WDR49: variants seen among roughly 807,000 people sequenced by gnomAD.
WDR49 encodes cilia- and flagella-associated protein 337.
Under a neutral mutation model 119.5 loss-of-function variants are expected in WDR49, and 107 were observed. The observed-to-expected ratio is 0.90, with a 90% CI of 0.77 to 1.05. The LOEUF is 1.05. WDR49 is among the 50% of genes least tolerant of loss of function. WDR49 has a pLI of 0.00. For missense variants in WDR49, 1,240 were observed against 1,220.5 expected, an observed-to-expected ratio of 1.02 and a Z score of -0.24; for synonymous variants, 425 against 418.8, an observed-to-expected ratio of 1.01 and a Z score of -0.18.
intron 18 of WDR49, among the ~76,000 whole-genome samples, chr3:167,495,520 C>T (rs1751319479): frequency 6.6e-6 from 1 of 151,366 alleles, no homozygotes; most frequent in Admixed American, 6.6e-5. Flanking sequence ...TATTTAATTC[C>T]ACTTATTAAA....
chr3:167,653,500 C>CTCATTGATTTTCTGGTGGT lies in WDR49; in HGVS notation c.-74-2_-74-1insACCACCAGAAAATCAATGA. 2 of 1,398,894 alleles carry CTCATTGATTTTCTGGTGGT rather than the reference C, an allele frequency of 1.4e-6. No individual in the cohort carries two copies. The highest frequency in any genetic ancestry group is 9.3e-7 in the Non-Finnish European group (1 of 1,078,398). The allele number at this position is 1,398,894 out of a possible 1,614,324, so 86.7% of individuals were successfully genotyped here. A position where few individuals can be genotyped will look rare whatever the true frequency, so the allele number is the denominator to read the frequency against. On this transcript the variant is annotated splice_acceptor_variant, in intron 1 of 18. Transcript: ENST00000682715. LOFTEE classifies it low-confidence loss of function (5UTR_SPLICE). ...ATCTTCTTTTTCCTTCAACAGGTGCCTTTGAAAAGAAACTCAACTTAGCAA... is the reference window on the plus strand; with the variant it reads ...ATCTTCTTTTTCCTTCAACAGGTGCCTCATTGATTTTCTGGTGGTTTTGAAAAGAAACTCAACTTAGCAA...
At chr3:167,606,701 CACA>C (rs1716080600) in intron 5 of WDR49, among the ~76,000 whole-genome samples, 1 of 152,098 alleles carries the variant, frequency 6.6e-6, no homozygotes, top group Non-Finnish European at 1.5e-5. Context: ...TGTCATGAAA[CACA>C]AAAGTGCTGC....
chr3:167,653,190 T>C, intron 2 of WDR49, 71 bp downstream of exon 2: 2 of 1,480,388 alleles, frequency 1.4e-6, no homozygotes, highest in Non-Finnish European at 1.8e-6. Flanking sequence ...TAAAGAAAAA[T>C]ATCTCTGTGT....
In WDR49 at chr3:167,550,081, G is replaced by T. The variant is rs371286809; in HGVS notation, c.1823+4569C>A. On this transcript the variant is annotated intron_variant, in intron 10 of 18. Coordinates refer to ENST00000682715, the MANE Select transcript of WDR49 (RefSeq NM_001366157.1). Reference sequence around the variant, plus strand: ...TCTGTTTTGGTACCAGTACCATGCTGCTTTGGTTACTGTAGCCTTGTAGTA... The same window carrying T: ...TCTGTTTTGGTACCAGTACCATGCTTCTTTGGTTACTGTAGCCTTGTAGTA... Among the ~76,000 whole-genome samples the T allele has an allele frequency of 3.3e-5, 5 of 152,122 alleles. No individual in the cohort carries two copies. The East Asian group carries it at 9.7e-4, about 29-fold the overall frequency.
intron 16 of WDR49, among the ~76,000 whole-genome samples, chr3:167,519,878 A>T (rs1195285353): frequency 1.3e-5 from 2 of 152,186 alleles, no homozygotes; most frequent in African/African-American, 4.8e-5. Context: ...ATTAACTGAA[A>T]ATGAAGTCAG....
intron 8 of WDR49, chr3:167,566,929 G>C (rs550441534): frequency 1.6e-6 from 1 of 644,096 alleles, no homozygotes; most frequent in Admixed American, 2.2e-5. Context: ...TGGACTTACT[G>C]TCTCGGGGTG....
chr3:167,520,651 T>A (rs1752402392), intron 16 of WDR49, among the ~76,000 whole-genome samples: 1 of 152,136 alleles, frequency 6.6e-6, no homozygotes, highest in Non-Finnish European at 1.5e-5. Flanking sequence ...AAAGGGGAAT[T>A]TTTTTCTTCT....
At chr3:167,549,284 G>T (rs1391323212) in intron 10 of WDR49, among the ~76,000 whole-genome samples, 1 of 152,088 alleles carries the variant, frequency 6.6e-6, no homozygotes, top group Non-Finnish European at 1.5e-5. Context: ...TTCCACAATG[G>T]TTGAACTAGT....
intron 17 of WDR49, among the ~76,000 whole-genome samples, chr3:167,503,987 G>A (rs1252001529): frequency 6.6e-6 from 1 of 152,182 alleles, no homozygotes; most frequent in African/African-American, 2.4e-5. Context: ...GATTGGTCAG[G>A]TGTGAGCTAA....
At position 167,653,397 on chromosome 3, in the gene WDR49, A is replaced by G. The variant is rs1718483320; in HGVS notation, c.29T>C (p.Leu10Ser). ...TGGCCCAAGCTGTGACCCTATGTTT[A>G]ACTCAAGTACAGCTTTCTGGCAACT... Reference protein sequence around the residue: MSCQKAVLELNIGSQLGPKS... With the variant: MSCQKAVLESNIGSQLGPKS... Residue 10 changes from leucine to serine, a missense_variant, in exon 2 of 19, where the codon TTA becomes TCA. By Grantham distance (145) the Leu-to-Ser change is moderately radical (BLOSUM62 -2). Transcript: ENST00000682715. 2 of 1,532,696 alleles carry G rather than the reference A, an allele frequency of 1.3e-6. No homozygotes were observed. Among genetic ancestry groups the G allele is most frequent in the South Asian group, 2.4e-5 (2 of 83,482 alleles). 94.9% of individuals were successfully genotyped at this position (1,532,696 alleles called of 1,614,324 possible).
chr3:167,648,295 T>C (rs1384608264), intron 2 of WDR49, among the ~76,000 whole-genome samples: 1 of 152,212 alleles, frequency 6.6e-6, no homozygotes, highest in Non-Finnish European at 1.5e-5. Context: ...TCATCATTTT[T>C]ACCTACACTG....
In WDR49 at chr3:167,557,946, T is replaced by C. The variant is rs376215776; in HGVS notation, c.1674+2118A>G. Among the ~76,000 whole-genome samples, 19 of 152,172 alleles carry C rather than the reference T, an allele frequency of 1.2e-4. 1 individual carries two copies. Among genetic ancestry groups the C allele is most frequent in the Admixed American group, 9.2e-4 (14 of 15,284 alleles). Reference sequence around the variant, plus strand: ...TGCAAATGCAGAACAGCATGTATAGTAGGCTGCCATCAAGAAACAAATGGC... The same window carrying C: ...TGCAAATGCAGAACAGCATGTATAGCAGGCTGCCATCAAGAAACAAATGGC... On this transcript the variant is annotated intron_variant, in intron 9 of 18. Transcript: ENST00000682715.
chr3:167,567,039 T>C, intron 8 of WDR49: 1 of 452,546 alleles, frequency 2.2e-6, no homozygotes, highest in South Asian at 5.8e-5. Flanking sequence ...GTAATTTCTG[T>C]CGGACTTTTT....
intron 18 of WDR49, among the ~76,000 whole-genome samples, chr3:167,497,591 T>A (rs1177166671): frequency 6.6e-6 from 1 of 152,192 alleles, no homozygotes; most frequent in Non-Finnish European, 1.5e-5. Context: ...AGATTCTTCA[T>A]AGAAGCAGGA....
intron 7 of WDR49, among the ~76,000 whole-genome samples, chr3:167,581,576 T>A (rs1227140511): frequency 6.6e-6 from 1 of 152,190 alleles, no homozygotes; most frequent in Non-Finnish European, 1.5e-5. Context: ...CTAGCTTTGC[T>A]GAAGAATCCC....
rs1025097336 is a variant in WDR49 at position 167,638,177 on chromosome 3, A to T, written c.166-10885T>A. On this transcript the variant is annotated intron_variant, in intron 2 of 18. Coordinates refer to ENST00000682715, the MANE Select transcript of WDR49 (RefSeq NM_001366157.1). ...TTCCATTAAAAGGTATCTTGTATGG[A>T]CTAGATAACTTTCCATAATTTTGAA... 2.0e-5 allele frequency among the ~76,000 whole-genome samples: 3 copies of T among 151,708 alleles called. No individual in the cohort carries two copies. In the East Asian group the frequency reaches 5.8e-4, roughly 29 times the overall value.
chr3:167,558,754 G>A (rs1032872590), intron 9 of WDR49, among the ~76,000 whole-genome samples: 2 of 152,096 alleles, frequency 1.3e-5, no homozygotes, highest in African/African-American at 2.4e-5. Flanking sequence ...GAATCTACAA[G>A]GTAAGCCTTA....
At chr3:167,488,983 C>T (rs1177460045) in intron 18 of WDR49, among the ~76,000 whole-genome samples, 1 of 152,126 alleles carries the variant, frequency 6.6e-6, no homozygotes, top group East Asian at 1.9e-4. Flanking sequence ...TAGGATTTAG[C>T]TTAAATGTCA....
At chr3:167,577,997 A>G (rs1481738067) in intron 7 of WDR49, among the ~76,000 whole-genome samples, 1 of 152,190 alleles carries the variant, frequency 6.6e-6, no homozygotes, top group Non-Finnish European at 1.5e-5. Context: ...GGAATCTACA[A>G]GATAGGAATC....
Sources: gnomAD v4.1 joint callset for allele counts (sites outside exome capture counted in the v4.1 genomes callset) on GRCh38, gnomAD v4.1.1 for gene constraint, MANE v1.5 for transcripts, NCBI Gene and HGNC (gene_info 2026-07-23, HGNC 2026-07-21) for gene names.